The following SYPL1 variants were observed in gnomAD, a reference collection of about 807,000 sequenced individuals.
SYPL1 encodes synaptophysin like 1, also known as synaptophysin-like protein 1.
A neutral mutation model predicts 23.7 loss-of-function variants in SYPL1; 6 were observed. The observed-to-expected ratio is 0.25, with a 90% CI of 0.14 to 0.50. SYPL1 has a LOEUF of 0.50. SYPL1 is among the 20% of genes least tolerant of loss of function. The pLI, the probability that SYPL1 is intolerant of heterozygous loss-of-function variation, is 0.98. For synonymous variants in SYPL1, 102 were observed against 104.5 expected, an observed-to-expected ratio of 0.98 and a Z score of 0.15; for missense variants, 253 against 288.9, an observed-to-expected ratio of 0.88 and a Z score of 0.90.
At position 106,095,697 on chromosome 7, in the gene SYPL1, G is replaced by T. The variant is rs1247169273; in HGVS notation, c.402+1993C>A. Among the ~76,000 whole-genome samples the T allele has an allele frequency of 1.3e-5, 2 of 152,088 alleles. No individual in the cohort carries two copies. Among genetic ancestry groups the T allele is most frequent in the Non-Finnish European group, 2.9e-5 (2 of 67,996 alleles). Reference sequence around the variant, plus strand: ...TATTTTTATGGTTACATTAAAAATAGAACTGAAAATTAAATTTAGAAGCTA... The same window carrying T: ...TATTTTTATGGTTACATTAAAAATATAACTGAAAATTAAATTTAGAAGCTA... On this transcript the variant is annotated intron_variant, in intron 3 of 4. Transcript: ENST00000455385. This position sits in a 1 kb window ranked among gnomAD's most constrained non-coding sequence, Gnocchi z 4.3.
At position 106,109,811 on chromosome 7, in the gene SYPL1, C is replaced by T. The variant is rs1790055247; in HGVS notation, c.69+2329G>A. 6.6e-6 allele frequency among the ~76,000 whole-genome samples: 1 copy of T among 152,314 alleles called. No individual in the cohort carries two copies. Among genetic ancestry groups the T allele is most frequent in the East Asian group, 1.9e-4 (1 of 5,174 alleles). On this transcript the variant is annotated intron_variant, in intron 1 of 4. Coordinates refer to ENST00000455385, the MANE Select transcript of SYPL1 (RefSeq NM_182715.4). The surrounding 1 kb of genome is among the most constrained non-coding windows in gnomAD (Gnocchi z 4.3). Reference sequence around the variant, plus strand: ...ATTTGTAACCCCCTTTTGTAAACCCCTTCAGTCCTACTGAAACTAATTTTA... The same window carrying T: ...ATTTGTAACCCCCTTTTGTAAACCCTTTCAGTCCTACTGAAACTAATTTTA...
chr7:106,099,423 T>C, intron 1 of SYPL1, 141 bp from the exon 2 acceptor site: 2 of 1,081,556 alleles, frequency 1.8e-6, no homozygotes, highest in Non-Finnish European at 2.6e-6. Context: ...TGAGACAGGG[T>C]TTCTGTCGCC....
chr7:106,095,841 G>A lies in SYPL1; in HGVS notation c.402+1849C>T, dbSNP rs536929665. On this transcript the variant is annotated intron_variant, in intron 3 of 4. Transcript: ENST00000455385. This position sits in a 1 kb window ranked among gnomAD's most constrained non-coding sequence, Gnocchi z 4.3. ...TCTGAGGTGGAAAATTACTTTTTACGTTTCTGAATGATGCAACTAGGTCAG... is the reference window on the plus strand; with the variant it reads ...TCTGAGGTGGAAAATTACTTTTTACATTTCTGAATGATGCAACTAGGTCAG... Among the ~76,000 whole-genome samples the A allele has an allele frequency of 1.3e-4, 20 of 152,132 alleles. 1 individual carries two copies. In the Middle Eastern group the frequency reaches 0.01, roughly 78 times the overall value.
chr7:106,092,116 C>T (rs1404438605), intron 4 of SYPL1, among the ~76,000 whole-genome samples, 177 bp from the exon 5 acceptor site: 1 of 152,126 alleles, frequency 6.6e-6, no homozygotes, highest in Non-Finnish European at 1.5e-5. Flanking sequence ...CTTCAATGTA[C>T]AAAATGTGGT....
At chr7:106,093,980 T>C (rs1370072104) in intron 3 of SYPL1, among the ~76,000 whole-genome samples, 1 of 152,246 alleles carries the variant, frequency 6.6e-6, no homozygotes, top group Non-Finnish European at 1.5e-5. Context: ...GGTTTTAATA[T>C]TTTAGATCAT....
rs1483790752 is a variant in SYPL1, at chr7:106,097,484, A to T, written c.402+206T>A. On this transcript the variant is annotated intron_variant, in intron 3 of 4. Coordinates refer to ENST00000455385, the MANE Select transcript of SYPL1 (RefSeq NM_182715.4). This position sits in a 1 kb window ranked among gnomAD's most constrained non-coding sequence, Gnocchi z 4.6. The stretch of plus-strand genomic sequence containing the variant: ...GTTTTTTCCAAGTTAAAATAGATTT[A>T]AAAAAGAAATAAACTTTCCTTATAG... Among the ~76,000 whole-genome samples the T allele has an allele frequency of 6.6e-6, 1 of 152,210 alleles. No homozygotes were observed. Among genetic ancestry groups the T allele is most frequent in the Non-Finnish European group, 1.5e-5 (1 of 68,036 alleles).
chr7:106,094,508 C>T (rs1000016267), intron 3 of SYPL1, among the ~76,000 whole-genome samples: 2 of 152,138 alleles, frequency 1.3e-5, no homozygotes, highest in African/African-American at 2.4e-5. Context: ...TTTTAAAAAC[C>T]GTAGCTCAAA....
chr7:106,112,390 G>A, upstream of SYPL1: 1 of 1,337,138 alleles, frequency 7.5e-7, no homozygotes, highest in African/African-American at 1.6e-5. Flanking sequence ...GCTGCTGGCT[G>A]AGACTCTGGG....
intron 1 of SYPL1, among the ~76,000 whole-genome samples, chr7:106,110,253 T>C (rs1251346654): frequency 1.3e-5 from 2 of 152,176 alleles, no homozygotes; most frequent in Non-Finnish European, 2.9e-5. Flanking sequence ...TAAGTTCTCA[T>C]ACAGGGTTAT....
chr7:106,092,841 T>TA (rs1428069256), intron 4 of SYPL1, 108 bp downstream of exon 4: 6 of 993,042 alleles, frequency 6.0e-6, no homozygotes, highest in African/African-American at 1.7e-5. Context: ...GGTAGCTGAG[T>TA]AAAAATAAAA....
In SYPL1 at chr7:106,095,559, G is replaced by C. The variant is rs1554542680; in HGVS notation, c.402+2131C>G. Among the ~76,000 whole-genome samples, 1 of 152,086 alleles carries C rather than the reference G, an allele frequency of 6.6e-6. No homozygotes were observed. The highest frequency in any genetic ancestry group is 1.5e-5 in the Non-Finnish European group (1 of 68,016). ...AGATGGGGTTTCACCATGTTGGCCA[G>C]GCTGGTCTCGAACTCCTGACCTCCT... On this transcript the variant is annotated intron_variant, in intron 3 of 4. Transcript: ENST00000455385. This position sits in a 1 kb window ranked among gnomAD's most constrained non-coding sequence, Gnocchi z 4.3.
chr7:106,098,599 A>G (rs1840149580), intron 2 of SYPL1, among the ~76,000 whole-genome samples: 2 of 152,242 alleles, frequency 1.3e-5, no homozygotes, highest in Non-Finnish European at 2.9e-5. Context: ...GCTTAAACAC[A>G]GGACATATTC....
At chr7:106,107,479 G>A (rs910142799) in intron 1 of SYPL1, among the ~76,000 whole-genome samples, 2 of 152,172 alleles carry the variant, frequency 1.3e-5, no homozygotes, top group African/African-American at 2.4e-5. Context: ...AGTGGCTCAC[G>A]CCTGTAATCC....
rs1840712779 is a variant in SYPL1, at chr7:106,108,192, T to A, written c.69+3948A>T. Among the ~76,000 whole-genome samples, 3 of 152,246 alleles carry A rather than the reference T, an allele frequency of 2.0e-5. No homozygotes were observed. The South Asian group carries it at 6.2e-4, about 32-fold the overall frequency. ...CTGGACAAGACAGAGACTATATTTT[T>A]AAAAATTTAAAATATAATTTATATT... is the stretch of plus-strand genomic sequence containing the variant. On this transcript the variant is annotated intron_variant, in intron 1 of 4. Coordinates refer to ENST00000455385, the MANE Select transcript of SYPL1 (RefSeq NM_182715.4).
rs1005687421 is a variant in SYPL1 at position 106,096,655 on chromosome 7, A to C, written c.402+1035T>G. On this transcript the variant is annotated intron_variant, in intron 3 of 4. Coordinates refer to ENST00000455385, the MANE Select transcript of SYPL1 (RefSeq NM_182715.4). The surrounding 1 kb of genome is among the most constrained non-coding windows in gnomAD (Gnocchi z 4.4). Reference sequence around the variant, plus strand: ...TGAAGCCAAAAGTATAGGACTTCAAATCTAAGTCCTTTGTTGATACCTCAA... The same window carrying C: ...TGAAGCCAAAAGTATAGGACTTCAACTCTAAGTCCTTTGTTGATACCTCAA... 1.1e-4 allele frequency among the ~76,000 whole-genome samples: 16 copies of C among 152,332 alleles called. No homozygotes were observed. The highest frequency in any genetic ancestry group is 3.8e-4 in the African/African-American group (16 of 41,576).
At chr7:106,107,742 CAAAAAAA>C (rs10622990) in intron 1 of SYPL1, among the ~76,000 whole-genome samples, 2 of 79,348 alleles carry the variant, frequency 2.5e-5, no homozygotes, top group Non-Finnish European at 5.5e-5. Context: ...ACTCCGTCTC[CAAAAAAA>C]AAAAAAAAAA....
At chr7:106,112,385 T>C (rs1421124711), upstream of SYPL1, 4 of 1,133,418 alleles carry the variant, frequency 3.5e-6, no homozygotes, top group South Asian at 2.3e-5. Flanking sequence ...GTTGAGCTGC[T>C]GGCTGAGACT....
At position 106,093,213 on chromosome 7, in the gene SYPL1, CTG is replaced by C; in HGVS notation, c.403-78_403-77del. ...AAATTTCAAATCCATGATGAAGAAA[CTG>C]AGATTACATTCAACCTTATGGTGCT... On this transcript the variant is annotated intron_variant, in intron 3 of 4. Transcript: ENST00000455385. The C allele has an allele frequency of 3.0e-6, 4 of 1,337,372 alleles. 1 individual carries two copies. The South Asian group carries it at 6.4e-5, about 21-fold the overall frequency. The allele number at this position is 1,337,372 out of a possible 1,614,324, so 82.8% of individuals were successfully genotyped here.
chr7:106,092,102 T>C (rs1585932961), intron 4 of SYPL1, among the ~76,000 whole-genome samples, 163 bp from the exon 5 acceptor site: 1 of 152,350 alleles, frequency 6.6e-6, no homozygotes, highest in Admixed American at 6.5e-5. Flanking sequence ...TAAGGAAGAC[T>C]ACACTTCAAT....
Sources: allele counts gnomAD v4.1 joint callset (sites outside exome capture counted in the v4.1 genomes callset), GRCh38; gene constraint gnomAD v4.1.1; non-coding constraint Gnocchi (gnomAD v3.1); transcripts MANE v1.5; gene names NCBI Gene and HGNC (gene_info 2026-07-23, HGNC 2026-07-21).